The following FGGY variants were observed in gnomAD, a reference collection of about 807,000 sequenced individuals.
The protein encoded by FGGY is FGGY carbohydrate kinase domain containing.
FGGY carries 72 observed loss-of-function variants against 71.3 expected under a neutral mutation model. The observed-to-expected ratio is 1.01, with a 90% CI of 0.84 to 1.23. The LOEUF is 1.23. Ranked by LOEUF, FGGY falls within the 50% of genes most tolerant of loss-of-function variation. The pLI is 0.00. For synonymous variants in FGGY, 251 were observed against 250.3 expected (o/e 1.00, Z -0.02); for missense variants, 668 against 682.3 (o/e 0.98, Z 0.23).
intron 1 of FGGY, among the ~76,000 whole-genome samples, chr1:59,312,432 T>C (rs2044517757): frequency 6.6e-6 from 1 of 152,218 alleles, no homozygotes; most frequent in Non-Finnish European, 1.5e-5. Context: ...GTAGGTGTTA[T>C]AAATGTGGAT....
intron 5 of FGGY, among the ~76,000 whole-genome samples, chr1:59,415,229 T>G (rs2064193661): frequency 6.6e-6 from 1 of 152,210 alleles, no homozygotes. Context: ...TTTGCAGATT[T>G]GGAAAAGGCT....
chr1:59,416,328 T>C (rs2064411168), intron 5 of FGGY, among the ~76,000 whole-genome samples: 2 of 152,258 alleles, frequency 1.3e-5, no homozygotes, highest in East Asian at 1.9e-4. Flanking sequence ...GTCTGTGGTA[T>C]TGAAATTTCA....
intron 2 of FGGY, among the ~76,000 whole-genome samples, chr1:59,329,450 A>G (rs1443923832): frequency 2.0e-5 from 3 of 152,262 alleles, no homozygotes; most frequent in Non-Finnish European, 4.4e-5. Flanking sequence ...AAAAAATGTA[A>G]TATCTGCAAA....
At chr1:59,375,200 C>T (rs927210410) in intron 4 of FGGY, among the ~76,000 whole-genome samples, 13 of 142,598 alleles carry the variant, frequency 9.1e-5, no homozygotes, top group Middle Eastern at 3.8e-3. Context: ...GCAGAGGTTG[C>T]AGTGAGCTGA....
At chr1:59,317,573 A>G (rs1286262923) in intron 1 of FGGY, among the ~76,000 whole-genome samples, 1 of 152,240 alleles carries the variant, frequency 6.6e-6, no homozygotes, top group African/African-American at 2.4e-5. Flanking sequence ...GCAGCAGATC[A>G]TATTCATGAC....
In FGGY at chr1:59,745,172, C is replaced by T. The variant is rs539594616; in HGVS notation, c.1513-12759C>T. On this transcript the variant is annotated intron_variant, in intron 14 of 15. Coordinates refer to ENST00000303721, the MANE Select transcript of FGGY (RefSeq NM_018291.5). ...TGGTTTGGAATGGATTCTGGCTTGGCTAGAGGGTTTCTGTATCGTAAACAG... is the reference window on the plus strand; with the variant it reads ...TGGTTTGGAATGGATTCTGGCTTGGTTAGAGGGTTTCTGTATCGTAAACAG... Among the ~76,000 whole-genome samples, 114 of 152,120 alleles carry T rather than the reference C, an allele frequency of 7.5e-4. 1 individual carries two copies. The highest frequency in any genetic ancestry group is 1.4e-3 in the Non-Finnish European group (93 of 68,032).
At chr1:59,364,473 A>G (rs2056215129) in intron 4 of FGGY, among the ~76,000 whole-genome samples, 1 of 152,142 alleles carries the variant, frequency 6.6e-6, no homozygotes, top group African/African-American at 2.4e-5. Flanking sequence ...CATTCCTTTT[A>G]TTTCTGCAGA....
chr1:59,549,945 T>G (rs1269901928), intron 7 of FGGY, among the ~76,000 whole-genome samples: 3 of 152,236 alleles, frequency 2.0e-5, no homozygotes, highest in African/African-American at 7.2e-5. Context: ...ATATGAACTA[T>G]GTGTGTTACA....
intron 1 of FGGY, among the ~76,000 whole-genome samples, chr1:59,301,965 G>C (rs1164943211): frequency 1.3e-5 from 2 of 150,204 alleles, no homozygotes; most frequent in Non-Finnish European, 3.0e-5. Flanking sequence ...TTGATCTCCT[G>C]ACCTTAGGTG....
In FGGY at chr1:59,582,814, C is replaced by G. The variant is rs75783623; in HGVS notation, c.904-24989C>G. On this transcript the variant is annotated intron_variant, in intron 8 of 15. Coordinates refer to ENST00000303721, the MANE Select transcript of FGGY (RefSeq NM_018291.5). ...CACCACGGCCTCATAAAGCTCCTCA[C>G]ACAAAGTCAGCTTTCAGGAAATTTT... Among the ~76,000 whole-genome samples, 141 of 150,436 alleles carry G rather than the reference C, an allele frequency of 9.4e-4. 16 individuals are homozygous for G. Among genetic ancestry groups the G allele is most frequent in the African/African-American group, 3.4e-3 (137 of 40,006 alleles).
chr1:59,684,645 G>A (rs1389849763), intron 14 of FGGY, among the ~76,000 whole-genome samples: 3 of 152,172 alleles, frequency 2.0e-5, no homozygotes, highest in Non-Finnish European at 2.9e-5. Context: ...CAAGTATGTG[G>A]GGTGAGGAGT....
At chr1:59,405,076 A>G (rs767329546) in intron 5 of FGGY, among the ~76,000 whole-genome samples, 4 of 152,184 alleles carry the variant, frequency 2.6e-5, no homozygotes, top group Non-Finnish European at 5.9e-5. Flanking sequence ...GATATAATTC[A>G]TTTTTCAAAC....
At chr1:59,732,786 G>A (rs1012615551) in intron 14 of FGGY, among the ~76,000 whole-genome samples, 7 of 151,816 alleles carry the variant, frequency 4.6e-5, no homozygotes, top group East Asian at 1.9e-4. Flanking sequence ...TCATGCTGCC[G>A]GCTGCTTTCC....
intron 5 of FGGY, among the ~76,000 whole-genome samples, chr1:59,411,823 A>G (rs1203601653): frequency 6.6e-6 from 1 of 151,656 alleles, no homozygotes; most frequent in Non-Finnish European, 1.5e-5. Context: ...ACATGTCTCC[A>G]TCTTTTTTAA....
intron 5 of FGGY, among the ~76,000 whole-genome samples, chr1:59,448,762 C>T (rs895720858): frequency 6.6e-6 from 1 of 152,098 alleles, no homozygotes; most frequent in African/African-American, 2.4e-5. Flanking sequence ...GTGGCCTGAC[C>T]TTATATACTG....
intron 8 of FGGY, among the ~76,000 whole-genome samples, chr1:59,601,953 G>A (rs1253503842): frequency 6.6e-6 from 1 of 152,192 alleles, no homozygotes; most frequent in East Asian, 1.9e-4. Flanking sequence ...ACAGAGCAAA[G>A]TAAGTACTTC....
intron 5 of FGGY, among the ~76,000 whole-genome samples, chr1:59,445,360 TGCTTCTTTTTCTA>T (rs1342378616): frequency 1.3e-5 from 2 of 152,228 alleles, no homozygotes; most frequent in Non-Finnish European, 2.9e-5. Flanking sequence ...CTTCTGCTGC[TGCTTCTTTTTCTA>T]GTCTCCTGCA....
chr1:59,401,813 A>G (rs1284369759), intron 5 of FGGY, among the ~76,000 whole-genome samples: 1 of 152,214 alleles, frequency 6.6e-6, no homozygotes, highest in East Asian at 1.9e-4. Context: ...TCTTGTGACT[A>G]AGGAATGAAC....
At chr1:59,757,692 A>T (rs557014504) in intron 14 of FGGY, among the ~76,000 whole-genome samples, 1 of 152,200 alleles carries the variant, frequency 6.6e-6, no homozygotes, top group African/African-American at 2.4e-5. Context: ...GCCTCAATAC[A>T]CAAGTATTTA....
Sources: allele counts gnomAD v4.1 joint callset (sites outside exome capture counted in the v4.1 genomes callset), GRCh38; gene constraint gnomAD v4.1.1; transcripts MANE v1.5; gene names NCBI Gene and HGNC (gene_info 2026-07-23, HGNC 2026-07-21).